The following PGM5 variants were observed in gnomAD, a reference collection of about 807,000 sequenced individuals.
PGM5 encodes phosphoglucomutase-like protein 5.
PGM5 carries 23 observed loss-of-function variants against 59.2 expected under a neutral mutation model. That is an observed-to-expected ratio of 0.39 (90% CI 0.28 to 0.55). The LOEUF (loss-of-function observed/expected upper bound fraction) is 0.55. PGM5 is among the 20% of genes least tolerant of loss of function. PGM5 has a pLI of 0.66. For synonymous variants in PGM5, 214 were observed against 286.0 expected (o/e 0.75, Z 2.54); for missense variants, 574 against 748.3 (o/e 0.77, Z 2.72).
chr9:68,476,973 A>G (rs1297645871), intron 7 of PGM5, among the ~76,000 whole-genome samples: 1 of 147,530 alleles, frequency 6.8e-6, no homozygotes, highest in Non-Finnish European at 1.5e-5. Flanking sequence ...TCTAGCCAGT[A>G]AATAAAAGTG....
chr9:68,416,597 C>T (rs1200838953), intron 6 of PGM5, among the ~76,000 whole-genome samples: 1 of 152,212 alleles, frequency 6.6e-6, no homozygotes, highest in African/African-American at 2.4e-5. Flanking sequence ...AATATGTATT[C>T]TCTTTCTTCT....
At chr9:68,417,707 G>T (rs971631582) in intron 6 of PGM5, among the ~76,000 whole-genome samples, 4 of 152,140 alleles carry the variant, frequency 2.6e-5, no homozygotes, top group Non-Finnish European at 2.9e-5. Context: ...AAACTTATTT[G>T]CTTCAGCTAT....
At chr9:68,420,088 A>G (rs1356163143) in intron 6 of PGM5, among the ~76,000 whole-genome samples, 1 of 152,146 alleles carries the variant, frequency 6.6e-6, no homozygotes, top group Non-Finnish European at 1.5e-5. Flanking sequence ...ACGTACACCT[A>G]GAGGAATTCC....
chr9:68,501,595 G>C (rs1554688674), intron 10 of PGM5, among the ~76,000 whole-genome samples: 4 of 152,128 alleles, frequency 2.6e-5, no homozygotes, highest in Non-Finnish European at 5.9e-5. Flanking sequence ...TCCTGATCAG[G>C]GCCTGACTGG....
intron 9 of PGM5, among the ~76,000 whole-genome samples, chr9:68,487,986 A>G (rs961035676): frequency 6.6e-6 from 1 of 152,224 alleles, no homozygotes; most frequent in African/African-American, 2.4e-5. Flanking sequence ...GCTGTCTCAT[A>G]TAAGCGTTTG....
chr9:68,416,107 T>C (rs1426318712), intron 6 of PGM5, among the ~76,000 whole-genome samples: 1 of 152,206 alleles, frequency 6.6e-6, no homozygotes, highest in Non-Finnish European at 1.5e-5. Flanking sequence ...TGAGAAGATG[T>C]AGAGTGAGGA....
intron 2 of PGM5, among the ~76,000 whole-genome samples, chr9:68,384,192 A>G (rs1822155516): frequency 6.6e-6 from 1 of 152,004 alleles, no homozygotes; most frequent in African/African-American, 2.4e-5. Flanking sequence ...GTTAGTCTAC[A>G]TAGAACAGGT....
intron 8 of PGM5, 149 bp downstream of exon 8, chr9:68,479,702 A>T (rs1174130103): frequency 4.9e-6 from 3 of 611,948 alleles, no homozygotes; most frequent in Non-Finnish European, 7.9e-6. Context: ...TGGGAGGCCG[A>T]GGTGGGCGGA....
intron 9 of PGM5, among the ~76,000 whole-genome samples, chr9:68,494,353 A>G (rs1252337912): frequency 4.6e-5 from 7 of 152,240 alleles, no homozygotes; most frequent in Non-Finnish European, 1.0e-4. Context: ...CAGCCCTCCT[A>G]CAGTCCCAGC....
chr9:68,421,834 A>G (rs1009858588), intron 6 of PGM5, among the ~76,000 whole-genome samples: 1 of 152,056 alleles, frequency 6.6e-6, no homozygotes, highest in African/African-American at 2.4e-5. Context: ...TAAGACATGC[A>G]TAGTACAATT....
At chr9:68,483,386 G>T (rs1824231711) in intron 8 of PGM5, among the ~76,000 whole-genome samples, 3 of 152,154 alleles carry the variant, frequency 2.0e-5, no homozygotes, top group Admixed American at 2.0e-4. Flanking sequence ...GAACGAGCCT[G>T]GTATTTGAAG....
At chr9:68,397,747 C>G (rs575007656) in intron 6 of PGM5, 8 of 151,340 alleles carry the variant, frequency 5.3e-5, no homozygotes, top group African/African-American at 1.9e-4. Context: ...TGGTGGGCAT[C>G]GAGCATCTTG....
chr9:68,423,728 A>T (rs1823187454), intron 6 of PGM5, among the ~76,000 whole-genome samples: 1 of 150,974 alleles, frequency 6.6e-6, no homozygotes, highest in Admixed American at 6.6e-5. Context: ...GCCCTTGAAG[A>T]CCCTTTGCAA....
intron 9 of PGM5, among the ~76,000 whole-genome samples, chr9:68,486,710 T>C (rs1824302568): frequency 6.6e-6 from 1 of 152,238 alleles, no homozygotes; most frequent in Non-Finnish European, 1.5e-5. Flanking sequence ...TTTCCACTTT[T>C]TGACTATAAT....
intron 6 of PGM5, among the ~76,000 whole-genome samples, chr9:68,462,593 G>A (rs1348051732): frequency 2.0e-5 from 3 of 152,104 alleles, no homozygotes; most frequent in Admixed American, 6.6e-5. Context: ...TGGAAAGGGT[G>A]GGAGCTGGGG....
intron 9 of PGM5, among the ~76,000 whole-genome samples, chr9:68,485,807 T>A (rs1824285063): frequency 6.6e-6 from 1 of 152,214 alleles, no homozygotes. Context: ...ACCCAGGTGA[T>A]ATCTTCATTG....
chr9:68,456,605 A>G (rs1206159463), intron 6 of PGM5, among the ~76,000 whole-genome samples: 3 of 136,772 alleles, frequency 2.2e-5, no homozygotes, highest in Non-Finnish European at 3.1e-5. Context: ...ATGCAAGAGC[A>G]CTGTGCCCTG....
intron 6 of PGM5, among the ~76,000 whole-genome samples, chr9:68,409,965 G>C (rs1822898042): frequency 1.3e-5 from 2 of 152,130 alleles, no homozygotes; most frequent in Admixed American, 1.3e-4. Context: ...CACTTCTCAG[G>C]GCCTCGCTTT....
chr9:68,388,772 G>A (rs1468852060), intron 4 of PGM5, among the ~76,000 whole-genome samples: 2 of 152,106 alleles, frequency 1.3e-5, no homozygotes, highest in Non-Finnish European at 2.9e-5. Context: ...TATTAAACTT[G>A]AGAAATCCAG....
Sources: gnomAD v4.1 joint callset for allele counts (sites outside exome capture counted in the v4.1 genomes callset) on GRCh38, gnomAD v4.1.1 for gene constraint, MANE v1.5 for transcripts, NCBI Gene and HGNC (gene_info 2026-07-23, HGNC 2026-07-21) for gene names.